The following WWOX variants were observed in gnomAD, a reference collection of about 807,000 sequenced individuals.
WWOX encodes WW domain-containing oxidoreductase.
Under a neutral mutation model 46.2 loss-of-function variants are expected in WWOX, and 69 were observed. The observed-to-expected ratio is 1.49, with a 90% CI of 1.23 to 1.82. The LOEUF (loss-of-function observed/expected upper bound fraction) is 1.82. Ranked by LOEUF, WWOX falls within the 40% of genes most tolerant of loss-of-function variation. The pLI is 0.00. For missense variants in WWOX, 919 were observed against 542.6 expected (o/e 1.69, Z -6.89); for synonymous variants, 359 against 202.6 (o/e 1.77, Z -6.56).
At chr16:78,631,540 CTTT>C (rs35592764) in intron 8 of WWOX, among the ~76,000 whole-genome samples, 4 of 138,910 alleles carry the variant, frequency 2.9e-5, no homozygotes, top group African/African-American at 2.7e-5. Flanking sequence ...TTAAAATATT[CTTT>C]TTTTTTTTTT....
intron 5 of WWOX, chr16:78,168,085 A>G (rs899748334): frequency 3.3e-5 from 5 of 152,190 alleles, no homozygotes; most frequent in Admixed American, 2.6e-4. Flanking sequence ...AAATGATCCA[A>G]AGTTTTTTGT....
At position 78,285,903 on chromosome 16, in the gene WWOX, T is replaced by C. The variant is rs181051166; in HGVS notation, c.517-100957T>C. On this transcript the variant is annotated intron_variant, in intron 5 of 8. Coordinates refer to ENST00000566780, the MANE Select transcript of WWOX (RefSeq NM_016373.4). Reference sequence around the variant, plus strand: ...AGGATAGTATCTTGTAAAGCCAGCCTCTTTATTACTTCACCAGTTTTAAGG... The same window carrying C: ...AGGATAGTATCTTGTAAAGCCAGCCCCTTTATTACTTCACCAGTTTTAAGG... Among the ~76,000 whole-genome samples the C allele has an allele frequency of 6.4e-4, 98 of 152,286 alleles. 1 individual carries two copies. Among genetic ancestry groups the C allele is most frequent in the African/African-American group, 1.9e-3 (80 of 41,556 alleles).
At chr16:79,024,422 C>G (rs1192166704) in intron 8 of WWOX, among the ~76,000 whole-genome samples, 1 of 151,928 alleles carries the variant, frequency 6.6e-6, no homozygotes, top group Non-Finnish European at 1.5e-5. Flanking sequence ...CCGTGCCCAG[C>G]TGATTTTTAA....
chr16:78,743,560 A>G (rs1184999213), intron 8 of WWOX, among the ~76,000 whole-genome samples: 1 of 152,122 alleles, frequency 6.6e-6, no homozygotes, highest in Non-Finnish European at 1.5e-5. Context: ...TCAAAAGGAA[A>G]ACACCAACTT....
At chr16:78,991,767 A>G (rs1264193567) in intron 8 of WWOX, among the ~76,000 whole-genome samples, 2 of 152,004 alleles carry the variant, frequency 1.3e-5, no homozygotes, top group African/African-American at 4.8e-5. Flanking sequence ...GAGGGGCTTA[A>G]CACATTTCCG....
At chr16:79,131,725 GT>G (rs1358774731) in intron 8 of WWOX, among the ~76,000 whole-genome samples, 2 of 152,168 alleles carry the variant, frequency 1.3e-5, no homozygotes, top group African/African-American at 4.8e-5. Context: ...TCAAGCAGCA[GT>G]ATATCTCTTT....
chr16:78,971,542 A>C (rs1408805834), intron 8 of WWOX, among the ~76,000 whole-genome samples: 2 of 151,654 alleles, frequency 1.3e-5, no homozygotes, highest in Non-Finnish European at 2.9e-5. Context: ...AGAATGGAGC[A>C]CTCTAATGGA....
At chr16:78,478,747 A>G (rs991619400) in intron 8 of WWOX, among the ~76,000 whole-genome samples, 5 of 152,210 alleles carry the variant, frequency 3.3e-5, no homozygotes, top group African/African-American at 1.2e-4. Context: ...TGCATACAGT[A>G]TGTGCTCAGC....
chr16:78,812,338 G>T (rs572424634), intron 8 of WWOX, among the ~76,000 whole-genome samples: 1 of 152,054 alleles, frequency 6.6e-6, no homozygotes, highest in African/African-American at 2.4e-5. Flanking sequence ...GAGACCCTCA[G>T]GGTGACACCG....
chr16:78,316,771 C>G (rs2080364451), intron 5 of WWOX, among the ~76,000 whole-genome samples: 1 of 152,160 alleles, frequency 6.6e-6, no homozygotes, highest in Admixed American at 6.5e-5. Context: ...TAATTGCTTT[C>G]TTATGTTCCA....
intron 5 of WWOX, among the ~76,000 whole-genome samples, chr16:78,356,571 G>C (rs900575923): frequency 6.6e-6 from 1 of 152,134 alleles, no homozygotes; most frequent in African/African-American, 2.4e-5. Context: ...GGTGCACTTT[G>C]AAAGACTATC....
At chr16:78,634,823 AGAGAGAGAGAGAGAGTGTGTGT>A (rs762988894) in intron 8 of WWOX, among the ~76,000 whole-genome samples, 1 of 106,440 alleles carries the variant, frequency 9.4e-6, no homozygotes, top group African/African-American at 4.1e-5. Flanking sequence ...AGAGAGAGAG[AGAGAGAGAGAGAGAGTGTGTGT>A]GTGTGTGTGT....
At chr16:78,510,226 T>G (rs1230529278) in intron 8 of WWOX, among the ~76,000 whole-genome samples, 1 of 152,210 alleles carries the variant, frequency 6.6e-6, no homozygotes, top group Non-Finnish European at 1.5e-5. Flanking sequence ...CTTCTTTTTT[T>G]GGAGATGGAG....
intron 4 of WWOX, among the ~76,000 whole-genome samples, chr16:78,149,270 A>AT (rs1372304780): frequency 1.3e-5 from 2 of 152,200 alleles, no homozygotes; most frequent in Non-Finnish European, 2.9e-5. Flanking sequence ...TGTAAAGATC[A>AT]TTTTTTACTG....
chr16:78,673,733 T>A (rs79544274), intron 8 of WWOX, among the ~76,000 whole-genome samples: 1 of 152,234 alleles, frequency 6.6e-6, no homozygotes, highest in Non-Finnish European at 1.5e-5. Flanking sequence ...AAATCAGTTA[T>A]TACTGTTCTC....
chr16:78,884,231 T>A (rs1597103796), intron 8 of WWOX, among the ~76,000 whole-genome samples: 1 of 126,938 alleles, frequency 7.9e-6, no homozygotes, highest in Admixed American at 1.0e-4. Context: ...TGTGATTAGG[T>A]CCCTGCACTC....
chr16:78,931,296 C>G (rs1437319834), intron 8 of WWOX, among the ~76,000 whole-genome samples: 1 of 152,050 alleles, frequency 6.6e-6, no homozygotes, highest in African/African-American at 2.4e-5. Context: ...AGAGAAACTC[C>G]CAATCTGAAC....
intron 8 of WWOX, among the ~76,000 whole-genome samples, chr16:78,691,014 C>T (rs1162705643): frequency 6.6e-6 from 1 of 152,138 alleles, no homozygotes; most frequent in Non-Finnish European, 1.5e-5. Flanking sequence ...TTGATAATCT[C>T]CACTAAGCAG....
intron 5 of WWOX, among the ~76,000 whole-genome samples, chr16:78,263,328 C>T (rs2079286901): frequency 6.6e-6 from 1 of 152,190 alleles, no homozygotes; most frequent in African/African-American, 2.4e-5. Flanking sequence ...GCATATTGGA[C>T]AGACCTGAGT....
Sources: gnomAD v4.1 joint callset for allele counts (sites outside exome capture counted in the v4.1 genomes callset) on GRCh38, gnomAD v4.1.1 for gene constraint, MANE v1.5 for transcripts, NCBI Gene and HGNC (gene_info 2026-07-23, HGNC 2026-07-21) for gene names.